Variants in POFUT3 observed in about 807,000 individuals in gnomAD.
POFUT3 encodes protein O-fucosyltransferase 3.
At chr8:33,436,523 G>T in the POFUT3 span, 1 of 1,117,550 alleles carries the variant, frequency 8.9e-7, no homozygotes, top group Non-Finnish European at 1.4e-6. Flanking sequence ...ACCCCATAAA[G>T]CTTGTGATGG....
the POFUT3 span, among the ~76,000 whole-genome samples, chr8:33,464,470 C>T: frequency 2.6e-5 from 4 of 152,118 alleles, no homozygotes; most frequent in South Asian, 2.1e-4. Flanking sequence ...ACGAGTATTA[C>T]GATCTGAAGT....
At chr8:33,342,043 G>A in the POFUT3 span, among the ~76,000 whole-genome samples, 1 of 152,146 alleles carries the variant, frequency 6.6e-6, no homozygotes, top group Non-Finnish European at 1.5e-5. Flanking sequence ...AGCCAGGCAT[G>A]GTGGCATGTC....
the POFUT3 span, among the ~76,000 whole-genome samples, chr8:33,313,250 G>T: frequency 6.6e-6 from 1 of 152,122 alleles, no homozygotes; most frequent in Non-Finnish European, 1.5e-5. Context: ...CCAACTTCTG[G>T]TTATTACAGC....
the POFUT3 span, among the ~76,000 whole-genome samples, chr8:33,406,733 T>C: frequency 1.3e-5 from 2 of 152,068 alleles, no homozygotes; most frequent in Admixed American, 6.6e-5. Context: ...ATCCAGCTAA[T>C]TTTTATTTTT....
chr8:33,395,686 G>A, the POFUT3 span, among the ~76,000 whole-genome samples: 1 of 152,114 alleles, frequency 6.6e-6, no homozygotes, highest in Non-Finnish European at 1.5e-5. Context: ...TTAACACTTA[G>A]CCATCCACGG....
chr8:33,459,846 C>T, the POFUT3 span, among the ~76,000 whole-genome samples: 2 of 152,076 alleles, frequency 1.3e-5, no homozygotes, highest in East Asian at 3.9e-4. Context: ...ACTGCTTGAG[C>T]CCAGGAGTTC....
the POFUT3 span, among the ~76,000 whole-genome samples, chr8:33,330,796 A>T: frequency 7.9e-5 from 12 of 152,048 alleles, no homozygotes; most frequent in Admixed American, 2.0e-4. Context: ...CCCATGCTCC[A>T]GTCATCCCAA....
At chr8:33,440,884 T>G in the POFUT3 span, among the ~76,000 whole-genome samples, 3 of 152,136 alleles carry the variant, frequency 2.0e-5, no homozygotes, top group Admixed American at 1.3e-4. Flanking sequence ...CAAAGCTGGT[T>G]GAGAAATAGA....
At chr8:33,462,756 C>G in the POFUT3 span, among the ~76,000 whole-genome samples, 1 of 151,954 alleles carries the variant, frequency 6.6e-6, no homozygotes, top group African/African-American at 2.4e-5. Flanking sequence ...ATAGTGAAAC[C>G]CTGTCTGCAT....
the POFUT3 span, among the ~76,000 whole-genome samples, chr8:33,349,754 G>A: frequency 1.3e-5 from 2 of 152,158 alleles, no homozygotes; most frequent in Non-Finnish European, 2.9e-5. Context: ...GCATGTACAA[G>A]TATCTTTTTC....
the POFUT3 span, among the ~76,000 whole-genome samples, chr8:33,451,386 G>A: frequency 1.3e-5 from 2 of 151,910 alleles, no homozygotes; most frequent in South Asian, 2.1e-4. Context: ...GTATGTAAGT[G>A]TATGTATGTA....
the POFUT3 span, among the ~76,000 whole-genome samples, chr8:33,349,805 G>C: frequency 6.6e-6 from 1 of 152,200 alleles, no homozygotes; most frequent in South Asian, 2.1e-4. Context: ...ACCCAATAGC[G>C]GGATTGCTGG....
At chr8:33,349,087 G>A in the POFUT3 span, among the ~76,000 whole-genome samples, 18 of 152,316 alleles carry the variant, frequency 1.2e-4, no homozygotes, top group African/African-American at 2.9e-4. Flanking sequence ...TGTATGGAGC[G>A]TGCATCTAGA....
the POFUT3 span, among the ~76,000 whole-genome samples, chr8:33,412,182 A>G: frequency 1.3e-5 from 2 of 152,202 alleles, no homozygotes; most frequent in African/African-American, 4.8e-5. Flanking sequence ...AGTAAAACCC[A>G]CGGGCTTTGA....
chr8:33,467,117 A>G, the POFUT3 span, among the ~76,000 whole-genome samples: 1 of 151,268 alleles, frequency 6.6e-6, no homozygotes, highest in Non-Finnish European at 1.5e-5. Flanking sequence ...AAAAAAACAC[A>G]CAAAAATTAG....
chr8:33,359,362 C>T, the POFUT3 span, among the ~76,000 whole-genome samples: 1 of 152,174 alleles, frequency 6.6e-6, no homozygotes, highest in African/African-American at 2.4e-5. Flanking sequence ...CATCTATTCT[C>T]AAATTGCCAC....
the POFUT3 span, among the ~76,000 whole-genome samples, chr8:33,462,159 A>AGGGGAGGGG: frequency 3.3e-3 from 1 of 302 alleles, no homozygotes; most frequent in Non-Finnish European, 6.1e-3. Flanking sequence ...AAGGGGAGGG[A>AGGGGAGGGG]AGGGGAAGGG....
chr8:33,447,822 CT>C, the POFUT3 span, among the ~76,000 whole-genome samples: 2 of 152,084 alleles, frequency 1.3e-5, no homozygotes, highest in Non-Finnish European at 2.9e-5. Context: ...TCAGCATTTT[CT>C]TTTTCAATAC....
the POFUT3 span, chr8:33,394,128 T>C: frequency 5.7e-6 from 1 of 174,380 alleles, no homozygotes; most frequent in Non-Finnish European, 1.2e-5. Flanking sequence ...GAGGCTGCAG[T>C]GCACCGTGAT....
Sources: allele counts gnomAD v4.1 joint callset (sites outside exome capture counted in the v4.1 genomes callset), GRCh38; gene constraint gnomAD v4.1.1; transcripts MANE v1.5; gene names NCBI Gene and HGNC (gene_info 2026-07-23, HGNC 2026-07-21).